NCAM2: variants seen among roughly 807,000 people sequenced by gnomAD.
NCAM2 encodes N-CAM-2.
NCAM2 carries 30 observed loss-of-function variants against 98.1 expected under a neutral mutation model. The observed-to-expected ratio is 0.31, with a 90% CI of 0.23 to 0.41. The LOEUF is 0.41. NCAM2 is among the 10% of genes least tolerant of loss of function. The pLI is 1.00. For missense variants in NCAM2, 867 were observed against 1,005.8 expected, an observed-to-expected ratio of 0.86 and a Z score of 1.87; for synonymous variants, 368 against 342.4, an observed-to-expected ratio of 1.07 and a Z score of -0.83.
intron 1 of NCAM2, among the ~76,000 whole-genome samples, chr21:21,170,518 C>T (rs1006188086): frequency 5.9e-5 from 9 of 152,022 alleles, no homozygotes; most frequent in Admixed American, 4.6e-4. Context: ...CTAGAAAAGG[C>T]GAAACTCTGG....
chr21:21,440,865 G>A (rs1979155849), intron 12 of NCAM2, among the ~76,000 whole-genome samples: 1 of 152,160 alleles, frequency 6.6e-6, no homozygotes, highest in Non-Finnish European at 1.5e-5. Context: ...ACCAAGCTTA[G>A]TAAACATTTT....
At chr21:21,118,887 G>C (rs1207044021) in intron 1 of NCAM2, among the ~76,000 whole-genome samples, 1 of 152,038 alleles carries the variant, frequency 6.6e-6, no homozygotes, top group Non-Finnish European at 1.5e-5. Flanking sequence ...GTGTTGGCAA[G>C]AACAAAAGTA....
intron 6 of NCAM2, among the ~76,000 whole-genome samples, chr21:21,324,739 T>C (rs774798124): frequency 1.3e-5 from 2 of 152,194 alleles, no homozygotes; most frequent in Non-Finnish European, 2.9e-5. Flanking sequence ...TTATTCTGTC[T>C]GTAAAAGCAG....
At chr21:21,120,483 G>A (rs566575108) in intron 1 of NCAM2, among the ~76,000 whole-genome samples, 10 of 152,112 alleles carry the variant, frequency 6.6e-5, no homozygotes, top group African/African-American at 1.9e-4. Context: ...TCCTGAGGAC[G>A]ATTTTAAACT....
At chr21:21,453,521 T>A (rs1981655453) in intron 12 of NCAM2, among the ~76,000 whole-genome samples, 9 of 152,056 alleles carry the variant, frequency 5.9e-5, no homozygotes, top group Admixed American at 5.9e-4. Flanking sequence ...ATTGAAAATC[T>A]CGTAAGTAAT....
intron 16 of NCAM2, among the ~76,000 whole-genome samples, chr21:21,514,823 T>C (rs1988619073): frequency 6.6e-6 from 1 of 152,158 alleles, no homozygotes; most frequent in Non-Finnish European, 1.5e-5. Context: ...TAGGCCTGTT[T>C]CTGTTCTTCT....
chr21:21,468,557 TA>T, intron 13 of NCAM2, 104 bp from the exon 14 acceptor site: 1 of 1,112,712 alleles, frequency 9.0e-7, no homozygotes, highest in East Asian at 2.8e-5. Context: ...AAATCCAGGA[TA>T]ACACCATATA....
chr21:21,476,760 A>G (rs965570055), intron 14 of NCAM2, among the ~76,000 whole-genome samples: 2 of 152,054 alleles, frequency 1.3e-5, no homozygotes, highest in African/African-American at 4.8e-5. Flanking sequence ...TTTTGTTTGT[A>G]TATTATTTTA....
intron 16 of NCAM2, among the ~76,000 whole-genome samples, chr21:21,526,472 T>A (rs1051208322): frequency 5.3e-5 from 8 of 151,880 alleles, no homozygotes; most frequent in African/African-American, 1.9e-4. Flanking sequence ...TGATAGAAAA[T>A]AAAAGAAGAA....
chr21:21,486,108 C>G (rs1986331500), intron 15 of NCAM2, among the ~76,000 whole-genome samples: 1 of 151,956 alleles, frequency 6.6e-6, no homozygotes, highest in Admixed American at 6.6e-5. Context: ...TTGAGACCAT[C>G]CCGGCTAACA....
chr21:21,481,045 G>GA (rs1486043075), intron 15 of NCAM2, among the ~76,000 whole-genome samples: 1 of 152,210 alleles, frequency 6.6e-6, no homozygotes, highest in Admixed American at 6.5e-5. Flanking sequence ...CATACACCAT[G>GA]ATGCTGTCAG....
chr21:21,105,302 C>T (rs953534916), intron 1 of NCAM2, among the ~76,000 whole-genome samples: 4 of 152,062 alleles, frequency 2.6e-5, no homozygotes, highest in African/African-American at 9.7e-5. Flanking sequence ...GTCCATGTAA[C>T]ATTATTTGAC....
At position 21,054,781 on chromosome 21, in the gene NCAM2, A is replaced by G. The variant is rs2065181009; in HGVS notation, c.55+56163A>G. Among the ~76,000 whole-genome samples, 2 of 152,076 alleles carry G rather than the reference A, an allele frequency of 1.3e-5. 1 individual carries two copies. Among genetic ancestry groups the G allele is most frequent in the South Asian group, 4.1e-4 (2 of 4,838 alleles). ...CAAAGAGAACTATGAGTATAGGAAA[A>G]CTGACAAAATCTGAACAGTGTGCTG... On this transcript the variant is annotated intron_variant, in intron 1 of 17. Transcript: ENST00000400546.
intron 12 of NCAM2, among the ~76,000 whole-genome samples, chr21:21,452,447 C>T (rs1468125895): frequency 5.8e-5 from 8 of 137,584 alleles, no homozygotes; most frequent in Non-Finnish European, 4.6e-5. Context: ...TTTACATTGT[C>T]GGGGGGGAAG....
chr21:21,286,283 A>G lies in NCAM2; in HGVS notation c.352A>G (p.Arg118Gly). 6.2e-7 allele frequency: 1 copy of G among 1,604,784 alleles called. No individual in the cohort carries two copies. The highest frequency in any genetic ancestry group is 8.5e-7 in the Non-Finnish European group (1 of 1,174,792). Reference sequence around the variant, plus strand: ...TGTTGATACAGAAAAACTCACTTTCAGAGAAGTGGTATCTCCACAAGAATT... The same window carrying G: ...TGTTGATACAGAAAAACTCACTTTCGGAGAAGTGGTATCTCCACAAGAATT... ...VLEIYQKLTF[R>G]EVVSPQEFKQ... Residue 118 changes from arginine (R) to glycine (G), a missense_variant, in exon 4 of 18, where the codon AGA becomes GGA. Arg to Gly is a moderately radical substitution (Grantham distance 125). Coordinates refer to ENST00000400546, the MANE Select transcript of NCAM2 (RefSeq NM_004540.5).
intron 1 of NCAM2, among the ~76,000 whole-genome samples, chr21:21,193,492 C>CTTTT (rs768928139): frequency 1.1e-4 from 14 of 123,782 alleles, no homozygotes; most frequent in Non-Finnish European, 1.5e-4. Context: ...AGTACTTTTC[C>CTTTT]TTTTTTTTTT....
intron 1 of NCAM2, among the ~76,000 whole-genome samples, chr21:21,027,398 C>T (rs960357157): frequency 7.2e-5 from 11 of 152,128 alleles, no homozygotes; most frequent in Admixed American, 1.3e-4. Flanking sequence ...ACTGTCTTTT[C>T]CTGCCAGGAA....
At chr21:21,520,632 C>T (rs1988963020) in intron 16 of NCAM2, among the ~76,000 whole-genome samples, 1 of 152,016 alleles carries the variant, frequency 6.6e-6, no homozygotes, top group Non-Finnish European at 1.5e-5. Context: ...CCTAACAAAC[C>T]AAAAGCTAAA....
At chr21:21,037,489 G>A (rs1306282045) in intron 1 of NCAM2, among the ~76,000 whole-genome samples, 1 of 152,074 alleles carries the variant, frequency 6.6e-6, no homozygotes, top group African/African-American at 2.4e-5. Flanking sequence ...GAGATTAAAT[G>A]ATTTTTAGTT....
Sources: allele counts gnomAD v4.1 joint callset (sites outside exome capture counted in the v4.1 genomes callset), GRCh38; gene constraint gnomAD v4.1.1; transcripts MANE v1.5; gene names NCBI Gene and HGNC (gene_info 2026-07-23, HGNC 2026-07-21).